Variants in C6orf89 observed in about 807,000 individuals in gnomAD.
The protein encoded by C6orf89 is bombesin receptor-activated protein C6orf89.
Under a neutral mutation model 40.7 loss-of-function variants are expected in C6orf89, and 29 were observed. The ratio of observed to expected loss-of-function variants is 0.71; its 90% CI spans 0.53 to 0.97. The LOEUF (loss-of-function observed/expected upper bound fraction) is 0.97. Ranked by LOEUF, C6orf89 falls within the 50% of genes least tolerant of loss-of-function variation. The probability of loss-of-function intolerance (pLI) is 0.00; values close to 1 mark genes in which losing one functional copy is unlikely to be tolerated. For synonymous variants in C6orf89, 165 were observed against 152.2 expected (o/e 1.08, Z -0.62); for missense variants, 392 against 429.1 (o/e 0.91, Z 0.76).
intron 4 of C6orf89, among the ~76,000 whole-genome samples, chr6:36,913,410 C>T (rs1762195666): frequency 2.0e-5 from 3 of 152,360 alleles, no homozygotes; most frequent in South Asian, 4.1e-4. Context: ...CCTGTCTACC[C>T]TCTCCATCCC....
chr6:36,888,389 T>A (rs1018680471), intron 1 of C6orf89, among the ~76,000 whole-genome samples: 1 of 152,198 alleles, frequency 6.6e-6, no homozygotes, highest in African/African-American at 2.4e-5. Flanking sequence ...CCTAGCACTT[T>A]GGGAGGCTAA....
Position 36,914,641 on chromosome 6 carries a change from G to A in C6orf89, c.643G>A (p.Ala215Thr), listed in dbSNP as rs780982397. 1.9e-5 allele frequency: 30 copies of A among 1,614,060 alleles called. No homozygotes were observed. Among genetic ancestry groups the A allele is most frequent in the Non-Finnish European group, 2.4e-5 (28 of 1,180,040 alleles). ...ATEGFSEGFFAKWWRCFPERW... is the reference protein window; with the variant it reads ...ATEGFSEGFFTKWWRCFPERW... ...AGAAGGCTTCTCTGAAGGGTTTTTCGCCAAGTGGTGGCGCTGCTTTCCTGA... is the reference window on the plus strand; with the variant it reads ...AGAAGGCTTCTCTGAAGGGTTTTTCACCAAGTGGTGGCGCTGCTTTCCTGA... The change falls in exon 6 of 9, where the codon GCC becomes ACC. Residue 215 changes from alanine (A) to threonine (T), a missense_variant. Ala to Thr is a moderately conservative substitution (Grantham distance 58). Coordinates refer to ENST00000480824, the MANE Select transcript of C6orf89 (RefSeq NM_001286635.2).
chr6:36,917,394 G>A (rs1583199084), intron 7 of C6orf89, among the ~76,000 whole-genome samples: 1 of 152,210 alleles, frequency 6.6e-6, no homozygotes, highest in South Asian at 2.1e-4. Flanking sequence ...AGTGGACTGG[G>A]AGAAGCTGTT....
intron 3 of C6orf89, among the ~76,000 whole-genome samples, chr6:36,901,289 GTATTATTAT>G (rs1337857767): frequency 2.3e-3 from 179 of 79,452 alleles, no homozygotes; most frequent in Middle Eastern, 8.1e-3. Flanking sequence ...GCCCCTTTGT[GTATTATTAT>G]TATTATTATT....
chr6:36,908,522 CTAA>C (rs1307505948), intron 4 of C6orf89, among the ~76,000 whole-genome samples: 1 of 152,140 alleles, frequency 6.6e-6, no homozygotes, highest in African/African-American at 2.4e-5. Context: ...CAAGCAACTG[CTAA>C]TAATAACTTG....
chr6:36,892,097 C>T (rs752375100), intron 1 of C6orf89, among the ~76,000 whole-genome samples: 39 of 152,196 alleles, frequency 2.6e-4, no homozygotes, highest in Admixed American at 1.2e-3. Context: ...TCTTCATAGG[C>T]AGAGACCCAG....
Position 36,926,045 on chromosome 6 carries a change from A to G in C6orf89, c.*2604A>G, listed in dbSNP as rs1167193270. 1.3e-5 allele frequency: 2 copies of G among 152,214 alleles called. No homozygotes were observed. The highest frequency in any genetic ancestry group is 4.1e-4 in the South Asian group (2 of 4,828). The allele number at this position is 152,214 out of a possible 1,614,324, so 9.4% of individuals were successfully genotyped here. The stretch of plus-strand genomic sequence containing the variant: ...TAGGTTCACTTTCATGTGGCCTCCC[A>G]CTACAGAGATGCGTATGCCCAGAAG... On this transcript the variant is annotated 3_prime_UTR_variant, in exon 9 of 9. Coordinates refer to ENST00000480824, the MANE Select transcript of C6orf89 (RefSeq NM_001286635.2).
chr6:36,895,971 G>A (rs1167953138), intron 2 of C6orf89, among the ~76,000 whole-genome samples: 1 of 152,138 alleles, frequency 6.6e-6, no homozygotes. Flanking sequence ...ATTCCTCCAT[G>A]TCCTTACCAA....
intron 1 of C6orf89, chr6:36,874,859 G>C (rs1028372757): frequency 1.7e-5 from 25 of 1,462,822 alleles, no homozygotes; most frequent in Admixed American, 5.7e-5. Flanking sequence ...CACACTTCCG[G>C]TCCGTTCAAC....
chr6:36,878,329 C>T (rs891082809), intron 1 of C6orf89, among the ~76,000 whole-genome samples: 4 of 152,050 alleles, frequency 2.6e-5, no homozygotes, highest in Non-Finnish European at 4.4e-5. Context: ...TAGTCTGAAC[C>T]CAGTAGTATT....
At chr6:36,905,536 A>G (rs1761896557) in intron 4 of C6orf89, among the ~76,000 whole-genome samples, 1 of 152,144 alleles carries the variant, frequency 6.6e-6, no homozygotes, top group Non-Finnish European at 1.5e-5. Flanking sequence ...TGTCTTAGAC[A>G]TTCAGCCCAG....
At chr6:36,915,141 T>C (rs531726997) in intron 6 of C6orf89, among the ~76,000 whole-genome samples, 3 of 151,658 alleles carry the variant, frequency 2.0e-5, no homozygotes, top group African/African-American at 7.3e-5. Context: ...GATAAACCAG[T>C]GATGAGAGAT....
At chr6:36,923,140 G>T (rs755036769) in intron 8 of C6orf89, among the ~76,000 whole-genome samples, 1 of 152,042 alleles carries the variant, frequency 6.6e-6, no homozygotes, top group Non-Finnish European at 1.5e-5. Context: ...AGACCAGCCT[G>T]GGCAATATAG....
At chr6:36,874,818 G>C (rs920132784) in intron 1 of C6orf89, 1 of 1,602,068 alleles carries the variant, frequency 6.2e-7, no homozygotes, top group African/African-American at 1.3e-5. Context: ...GCTACTTCCG[G>C]CGTCGATTAG....
At chr6:36,906,321 A>G (rs1021797114) in intron 4 of C6orf89, among the ~76,000 whole-genome samples, 1 of 152,210 alleles carries the variant, frequency 6.6e-6, no homozygotes, top group Admixed American at 6.5e-5. Context: ...TTCTGTGATA[A>G]TAACAGCTCT....
At chr6:36,902,579 A>T (rs1339717453) in intron 4 of C6orf89, 145 bp downstream of exon 4, 1 of 714,964 alleles carries the variant, frequency 1.4e-6, no homozygotes, top group Non-Finnish European at 2.3e-6. Flanking sequence ...ACTCTATGAG[A>T]TGGGGTTTAT....
chr6:36,890,598 A>G (rs185704839), intron 1 of C6orf89, among the ~76,000 whole-genome samples: 2 of 152,280 alleles, frequency 1.3e-5, no homozygotes, highest in Admixed American at 1.3e-4. Flanking sequence ...CCATGATGTG[A>G]TCTCTGCTCA....
chr6:36,902,088 CTTGT>C, intron 3 of C6orf89, 129 bp from the exon 4 acceptor site: 1 of 714,346 alleles, frequency 1.4e-6, no homozygotes, highest in African/African-American at 1.8e-5. Context: ...ACCTAAGTGG[CTTGT>C]TTATGAAAAT....
chr6:36,916,516 A>C lies in C6orf89; in HGVS notation c.767A>C (p.Lys256Thr). The C allele has an allele frequency of 6.2e-7, 1 of 1,614,192 alleles. No individual in the cohort carries two copies. The highest frequency in any genetic ancestry group is 1.1e-5 in the South Asian group (1 of 91,080). The change falls in exon 7 of 9, where the codon AAA (lysine) becomes ACA (threonine). Residue 256 changes from lysine (K) to threonine (T), a missense_variant. Coordinates refer to ENST00000480824, the MANE Select transcript of C6orf89 (RefSeq NM_001286635.2). ...FPVFTHLPFP[K>T]DASLNKCSFL... ...GTTTTCACTCACCTGCCATTTCCAA[A>C]AGATGCCTCTTTAAACAAGTGCTCC...
Sources: gnomAD v4.1 joint callset for allele counts (sites outside exome capture counted in the v4.1 genomes callset) on GRCh38, gnomAD v4.1.1 for gene constraint, MANE v1.5 for transcripts, NCBI Gene and HGNC (gene_info 2026-07-23, HGNC 2026-07-21) for gene names.